Variants in CDK14 observed in about 807,000 individuals in gnomAD.
CDK14 encodes cyclin-dependent kinase 14.
In CDK14, 34 loss-of-function variants were observed where a neutral mutation model predicts 60.7. The ratio of observed to expected loss-of-function variants is 0.56; its 90% CI spans 0.43 to 0.75. The LOEUF (loss-of-function observed/expected upper bound fraction) is 0.75, where lower values mean the gene tolerates loss of function less well. Among genes scored for constraint, CDK14 ranks in the 30% least tolerant of loss-of-function variants. CDK14 has a pLI of 0.00. For missense variants in CDK14, 482 were observed against 564.1 expected, an observed-to-expected ratio of 0.85 and a Z score of 1.47; for synonymous variants, 197 against 203.7, an observed-to-expected ratio of 0.97 and a Z score of 0.28.
chr7:90,822,094 G>C (rs567558914), intron 5 of CDK14, among the ~76,000 whole-genome samples: 10 of 152,260 alleles, frequency 6.6e-5, no homozygotes, highest in Middle Eastern at 3.4e-3. Context: ...TTTTTCATTA[G>C]CTCCATGTAT....
At chr7:91,032,515 C>T (rs1796790116) in intron 10 of CDK14, among the ~76,000 whole-genome samples, 1 of 152,056 alleles carries the variant, frequency 6.6e-6, no homozygotes, top group African/African-American at 2.4e-5. Flanking sequence ...GCCATAAGTT[C>T]AGTCATTGAT....
chr7:90,971,109 T>C (rs1238832788), intron 9 of CDK14, among the ~76,000 whole-genome samples: 3 of 150,160 alleles, frequency 2.0e-5, no homozygotes, highest in African/African-American at 7.3e-5. Context: ...TGTGTGTCCA[T>C]GTGTTCTCAT....
intron 11 of CDK14, among the ~76,000 whole-genome samples, chr7:91,067,768 G>GA (rs1002548946): frequency 1.3e-5 from 2 of 152,006 alleles, no homozygotes; most frequent in East Asian, 1.9e-4. Flanking sequence ...TGTATTTCTG[G>GA]AAAAAAATTA....
intron 2 of CDK14, among the ~76,000 whole-genome samples, chr7:90,635,614 C>G (rs188090988): frequency 3.8e-4 from 57 of 151,836 alleles, no homozygotes; most frequent in African/African-American, 1.4e-3. Flanking sequence ...CTTGGCAATG[C>G]GGGCTCTTTT....
intron 2 of CDK14, among the ~76,000 whole-genome samples, chr7:90,629,780 C>A (rs12704554): frequency 0.85 from 129,287 of 151,758 alleles, 55,174 homozygotes; most frequent in East Asian, 1. Context: ...TAATCTCAGT[C>A]CTTTGGGAGG....
intron 11 of CDK14, among the ~76,000 whole-genome samples, chr7:91,074,513 G>C (rs1215960368): frequency 6.6e-6 from 1 of 152,064 alleles, no homozygotes; most frequent in East Asian, 1.9e-4. Context: ...TGTTAAGAGG[G>C]AAACATTGCA....
chr7:90,921,499 C>A (rs1049853075), intron 8 of CDK14, among the ~76,000 whole-genome samples: 4 of 152,060 alleles, frequency 2.6e-5, no homozygotes, highest in African/African-American at 9.6e-5. Context: ...ATTGGAAGTT[C>A]CGTGAAGGCG....
intron 14 of CDK14, among the ~76,000 whole-genome samples, chr7:91,125,120 G>C (rs940481588): frequency 2.0e-5 from 3 of 152,076 alleles, no homozygotes; most frequent in Non-Finnish European, 4.4e-5. Context: ...TGACAATGTC[G>C]AGAAGGAAAG....
chr7:91,095,898 A>G (rs1798969482), intron 12 of CDK14, among the ~76,000 whole-genome samples: 1 of 151,840 alleles, frequency 6.6e-6, no homozygotes, highest in South Asian at 2.1e-4. Flanking sequence ...TAATAACAAA[A>G]ATGTTGCTTA....
intron 10 of CDK14, among the ~76,000 whole-genome samples, chr7:91,044,836 G>A (rs897645042): frequency 5.3e-5 from 8 of 152,112 alleles, no homozygotes; most frequent in African/African-American, 1.9e-4. Flanking sequence ...GGAAGAAGTG[G>A]GCAGTCTGAA....
At chr7:90,800,085 G>A (rs986206721) in intron 5 of CDK14, among the ~76,000 whole-genome samples, 4 of 152,060 alleles carry the variant, frequency 2.6e-5, no homozygotes, top group African/African-American at 4.8e-5. Context: ...TTTTGTTTGG[G>A]TACATTCTTT....
intron 10 of CDK14, among the ~76,000 whole-genome samples, chr7:91,035,942 C>A (rs1183237355): frequency 6.9e-6 from 1 of 144,378 alleles, no homozygotes; most frequent in Non-Finnish European, 1.5e-5. Context: ...TTCCCGGGTT[C>A]ACGCCATTCT....
At chr7:90,693,641 A>G (rs1801599953) in intron 2 of CDK14, among the ~76,000 whole-genome samples, 1 of 152,174 alleles carries the variant, frequency 6.6e-6, no homozygotes, top group Non-Finnish European at 1.5e-5. Flanking sequence ...CCTAGATCCA[A>G]TTCATTGGCC....
At chr7:91,132,515 A>T (rs772987018) in intron 14 of CDK14, among the ~76,000 whole-genome samples, 3 of 152,192 alleles carry the variant, frequency 2.0e-5, no homozygotes, top group Admixed American at 6.6e-5. Context: ...CTTCCTGGTC[A>T]CAGACAGAAG....
chr7:90,930,590 C>T (rs1016537533), intron 8 of CDK14, among the ~76,000 whole-genome samples: 2 of 132,554 alleles, frequency 1.5e-5, no homozygotes, highest in African/African-American at 5.9e-5. Context: ...TGTCTGAGGG[C>T]ATTCTTATTT....
chr7:90,906,339 A>C (rs1301226707), intron 7 of CDK14, among the ~76,000 whole-genome samples: 2 of 152,240 alleles, frequency 1.3e-5, no homozygotes, highest in East Asian at 3.9e-4. Flanking sequence ...ATTTATGGAG[A>C]TAGGAAAACC....
At chr7:90,993,115 G>A (rs769364607) in intron 10 of CDK14, among the ~76,000 whole-genome samples, 4 of 152,148 alleles carry the variant, frequency 2.6e-5, no homozygotes, top group African/African-American at 4.8e-5. Flanking sequence ...AAAAGTAGAA[G>A]AATTTCAAGA....
Position 91,209,555 on chromosome 7 carries a change from A to C in CDK14, c.*2419A>C, listed in dbSNP as rs568769199. 10 of 152,114 alleles carry C rather than the reference A, an allele frequency of 6.6e-5. No homozygotes were observed. Among genetic ancestry groups the C allele is most frequent in the Non-Finnish European group, 1.3e-4 (9 of 68,000 alleles). 9.4% of individuals were successfully genotyped at this position (152,114 alleles called of 1,614,324 possible). A position where few individuals can be genotyped will look rare whatever the true frequency, so the allele number is the denominator to read the frequency against. ...ATGAAAATCAATTCAGACTGTGTTG[A>C]TTAGCAGATTTATTATTCTATTGAG... On this transcript the variant is annotated 3_prime_UTR_variant, in exon 15 of 15. Transcript: ENST00000380050.
intron 14 of CDK14, among the ~76,000 whole-genome samples, chr7:91,187,092 T>C (rs1412706755): frequency 2.0e-5 from 3 of 152,264 alleles, no homozygotes; most frequent in Non-Finnish European, 1.5e-5. Flanking sequence ...TTTAAAATAT[T>C]GCTTTAATTC....
Sources: allele counts gnomAD v4.1 joint callset (sites outside exome capture counted in the v4.1 genomes callset), GRCh38; gene constraint gnomAD v4.1.1; transcripts MANE v1.5; gene names NCBI Gene and HGNC (gene_info 2026-07-23, HGNC 2026-07-21).